CAMTA1: variants seen among roughly 807,000 people sequenced by gnomAD.
CAMTA1 encodes the protein calmodulin-binding transcription activator 1.
In CAMTA1, 27 loss-of-function variants were observed where a neutral mutation model predicts 170.9. The observed-to-expected ratio is 0.16, with a 90% CI of 0.12 to 0.22. The LOEUF is 0.22. CAMTA1 is among the 10% of genes least tolerant of loss of function. The pLI is 1.00. For missense variants in CAMTA1, 1,619 were observed against 2,217.2 expected, an observed-to-expected ratio of 0.73 and a Z score of 5.42; for synonymous variants, 833 against 891.5, an observed-to-expected ratio of 0.93 and a Z score of 1.17.
intron 5 of CAMTA1, among the ~76,000 whole-genome samples, chr1:7,332,759 G>A (rs949397984): frequency 5.3e-5 from 8 of 152,162 alleles, no homozygotes; most frequent in African/African-American, 1.9e-4. Context: ...TCTGCAGGCT[G>A]AGCAAAGCAG....
intron 3 of CAMTA1, among the ~76,000 whole-genome samples, chr1:6,839,423 A>G (rs1199887515): frequency 3.3e-5 from 5 of 152,088 alleles, no homozygotes; most frequent in Admixed American, 6.5e-5. Context: ...CCAAAATTCC[A>G]TTTAATTTAA....
At chr1:6,805,249 G>A (rs1480624788) in intron 1 of CAMTA1, among the ~76,000 whole-genome samples, 2 of 152,108 alleles carry the variant, frequency 1.3e-5, no homozygotes, top group Non-Finnish European at 1.5e-5. Flanking sequence ...TATTATTGTG[G>A]TTTTGATTTG....
intron 5 of CAMTA1, among the ~76,000 whole-genome samples, chr1:7,273,320 A>C (rs927763411): frequency 6.6e-6 from 1 of 152,254 alleles, no homozygotes; most frequent in African/African-American, 2.4e-5. Flanking sequence ...CAACAAGTCA[A>C]AACAACTCAA....
At chr1:7,579,547 CTTTTCTTTTTTT>C (rs1290991223) in intron 6 of CAMTA1, among the ~76,000 whole-genome samples, 3 of 111,450 alleles carry the variant, frequency 2.7e-5, no homozygotes, top group African/African-American at 1.2e-4. Context: ...CTTTTCTTTT[CTTTTCTTTTTTT>C]TTTTTTTTTT....
intron 1 of CAMTA1, among the ~76,000 whole-genome samples, chr1:6,809,644 T>C (rs953268937): frequency 2.0e-5 from 3 of 151,912 alleles, no homozygotes; most frequent in Non-Finnish European, 4.4e-5. Context: ...AAGTCACAGT[T>C]GTGAGTGAGA....
rs183707472 is a variant in CAMTA1 at position 6,952,324 on chromosome 1, A to G, written c.234+127114A>G. ...CGGGTGCCTGTAGTCCCAGCTACTCAGGAGGCTGAGGCAGGAGAAAGGCGT... is the reference window on the plus strand; with the variant it reads ...CGGGTGCCTGTAGTCCCAGCTACTCGGGAGGCTGAGGCAGGAGAAAGGCGT... On this transcript the variant is annotated intron_variant, in intron 3 of 22. Transcript: ENST00000303635. 4.7e-3 allele frequency among the ~76,000 whole-genome samples: 701 copies of G among 149,514 alleles called. 5 individuals are homozygous for G. Among genetic ancestry groups the G allele is most frequent in the African/African-American group, 0.016 (661 of 40,680 alleles).
chr1:7,304,558 G>A (rs1675293636), intron 5 of CAMTA1, among the ~76,000 whole-genome samples: 1 of 146,698 alleles, frequency 6.8e-6, no homozygotes, highest in Non-Finnish European at 1.5e-5. Flanking sequence ...GAAATCATTT[G>A]TTTCCTCAAG....
At chr1:7,679,128 T>C (rs1054250121) in intron 11 of CAMTA1, among the ~76,000 whole-genome samples, 1 of 152,198 alleles carries the variant, frequency 6.6e-6, no homozygotes, top group African/African-American at 2.4e-5. Context: ...AGAGCTGTGA[T>C]GACCACCCAC....
chr1:7,216,418 G>T lies in CAMTA1; in HGVS notation c.303-33073G>T, dbSNP rs866882279. On this transcript the variant is annotated intron_variant, in intron 4 of 22. Transcript: ENST00000303635. The surrounding 1 kb of genome is among the most constrained non-coding windows in gnomAD (Gnocchi z 4.0). Reference sequence around the variant, plus strand: ...GTCCTTACTTATTTTTTGTCTATCTGGTTTCTCTTGTACTGACAGCGGTGT... The same window carrying T: ...GTCCTTACTTATTTTTTGTCTATCTTGTTTCTCTTGTACTGACAGCGGTGT... Among the ~76,000 whole-genome samples the T allele has an allele frequency of 1.3e-5, 2 of 152,274 alleles. No homozygotes were observed.
chr1:7,471,738 A>T (rs1446460148), intron 6 of CAMTA1, among the ~76,000 whole-genome samples: 1 of 152,166 alleles, frequency 6.6e-6, no homozygotes, highest in Non-Finnish European at 1.5e-5. Context: ...GAGGTAGAGG[A>T]GGCATGAAGG....
chr1:7,662,443 G>A (rs1446515647), intron 8 of CAMTA1, among the ~76,000 whole-genome samples: 2 of 152,046 alleles, frequency 1.3e-5, no homozygotes, highest in South Asian at 2.1e-4. Context: ...ACTTCTCTAC[G>A]CAGTCTTGGT....
chr1:7,027,138 T>TG (rs1702130826), intron 3 of CAMTA1, among the ~76,000 whole-genome samples: 1 of 151,840 alleles, frequency 6.6e-6, no homozygotes, highest in South Asian at 2.1e-4. Flanking sequence ...GAGAAGAGGG[T>TG]GGGAAAACAG....
intron 3 of CAMTA1, among the ~76,000 whole-genome samples, chr1:6,884,851 C>G (rs766928445): frequency 6.6e-5 from 10 of 152,192 alleles, no homozygotes; most frequent in Non-Finnish European, 1.3e-4. Context: ...TGTAGAGACT[C>G]TGGTTTATCA....
intron 3 of CAMTA1, among the ~76,000 whole-genome samples, chr1:6,921,043 C>G (rs936459300): frequency 6.6e-6 from 1 of 152,244 alleles, no homozygotes; most frequent in African/African-American, 2.4e-5. Flanking sequence ...TTGAATTTCT[C>G]CTCAGAAAAT....
intron 3 of CAMTA1, among the ~76,000 whole-genome samples, chr1:6,905,639 C>T (rs913884013): frequency 6.6e-6 from 1 of 152,182 alleles, no homozygotes; most frequent in African/African-American, 2.4e-5. Flanking sequence ...GTAAAGGCTT[C>T]ACATTCAAGT....
intron 3 of CAMTA1, among the ~76,000 whole-genome samples, chr1:6,925,195 T>C (rs932012873): frequency 6.6e-6 from 1 of 152,176 alleles, no homozygotes. Context: ...CCCTGCCTTG[T>C]CTCTAGGGGG....
intron 11 of CAMTA1, among the ~76,000 whole-genome samples, chr1:7,679,164 G>A (rs915195484): frequency 2.0e-5 from 3 of 152,210 alleles, no homozygotes; most frequent in African/African-American, 4.8e-5. Context: ...AGGGCAGGGT[G>A]ACCAGGGGCT....
rs902792227 is a variant in CAMTA1 at position 7,377,565 on chromosome 1, C to T, written c.439-90265C>T. Among the ~76,000 whole-genome samples, 4 of 152,222 alleles carry T rather than the reference C, an allele frequency of 2.6e-5. No individual in the cohort carries two copies. In the South Asian group the frequency reaches 6.2e-4, roughly 24 times the overall value. On this transcript the variant is annotated intron_variant, in intron 5 of 22. Transcript: ENST00000303635. ...TGGATCTGTTTAGGTCCTCTGACCT[C>T]CTGAACCAATCACTGCAGCTAGTGG... is the stretch of plus-strand genomic sequence containing the variant.
At chr1:7,052,495 G>C (rs1239764131) in intron 3 of CAMTA1, among the ~76,000 whole-genome samples, 1 of 152,032 alleles carries the variant, frequency 6.6e-6, no homozygotes, top group Non-Finnish European at 1.5e-5. Context: ...CAGAATCCAG[G>C]GACCCTCGGT....
Sources: gnomAD v4.1 joint callset for allele counts (sites outside exome capture counted in the v4.1 genomes callset) on GRCh38, gnomAD v4.1.1 for gene constraint, Gnocchi (gnomAD v3.1) non-coding constraint, MANE v1.5 for transcripts, NCBI Gene and HGNC (gene_info 2026-07-23, HGNC 2026-07-21) for gene names.